Variants in FSTL5 observed in about 807,000 individuals in gnomAD.
FSTL5 encodes follistatin-related protein 5.
In FSTL5, 62 loss-of-function variants were observed where a neutral mutation model predicts 89.1. The observed-to-expected ratio is 0.70, with a 90% CI of 0.57 to 0.86. The LOEUF (loss-of-function observed/expected upper bound fraction) is 0.86. Among genes scored for constraint, FSTL5 ranks in the 40% least tolerant of loss-of-function variants. The pLI is 0.00. For missense variants in FSTL5, 1,057 were observed against 1,001.6 expected, an observed-to-expected ratio of 1.06 and a Z score of -0.75; for synonymous variants, 383 against 346.2, an observed-to-expected ratio of 1.11 and a Z score of -1.18.
intron 1 of FSTL5, among the ~76,000 whole-genome samples, chr4:162,116,866 G>GT (rs1731663660): frequency 6.6e-6 from 1 of 152,266 alleles, no homozygotes; most frequent in Non-Finnish European, 1.5e-5. Flanking sequence ...CTTTTCAGAG[G>GT]TAAGTCCAAC....
At chr4:161,526,031 A>C (rs1011513059) in intron 10 of FSTL5, among the ~76,000 whole-genome samples, 1 of 152,110 alleles carries the variant, frequency 6.6e-6, no homozygotes. Flanking sequence ...ATTTATGATA[A>C]TGAGTTTCTG....
At position 161,791,434 on chromosome 4, in the gene FSTL5, A is replaced by C. The variant is rs185811202; in HGVS notation, c.410-15360T>G. On this transcript the variant is annotated intron_variant, in intron 4 of 15. Transcript: ENST00000306100. ...ATTAATCTATAGCTGGTTTTGGCAAATACTTTTTGTAAAGGAACAGCGTAA... is the reference window on the plus strand; with the variant it reads ...ATTAATCTATAGCTGGTTTTGGCAACTACTTTTTGTAAAGGAACAGCGTAA... Among the ~76,000 whole-genome samples the C allele has an allele frequency of 3.7e-3, 563 of 152,344 alleles. 11 individuals carry two copies. The highest frequency in any genetic ancestry group is 7.1e-4 in the Non-Finnish European group (48 of 68,034).
chr4:161,570,507 G>A (rs1732967890), intron 8 of FSTL5, among the ~76,000 whole-genome samples: 2 of 152,158 alleles, frequency 1.3e-5, no homozygotes, highest in South Asian at 4.1e-4. Context: ...TTATTTAGGG[G>A]ATTCAAAGTC....
intron 4 of FSTL5, among the ~76,000 whole-genome samples, chr4:161,857,296 C>T (rs773148359): frequency 1.1e-4 from 16 of 152,108 alleles, no homozygotes; most frequent in Non-Finnish European, 2.2e-4. Context: ...TATCTGCTGA[C>T]AGATTGCACG....
intron 4 of FSTL5, among the ~76,000 whole-genome samples, chr4:161,822,781 G>A (rs970842880): frequency 1.3e-5 from 2 of 152,228 alleles, no homozygotes; most frequent in Admixed American, 6.5e-5. Context: ...CTTGTCTCAC[G>A]TCCAGGAAGA....
At chr4:161,570,130 G>A (rs1005085657) in intron 8 of FSTL5, among the ~76,000 whole-genome samples, 4 of 152,134 alleles carry the variant, frequency 2.6e-5, no homozygotes, top group Admixed American at 2.6e-4. Flanking sequence ...AGTGTGTAGA[G>A]TATTTTAGGC....
chr4:161,796,458 C>A (rs537890546), intron 4 of FSTL5, among the ~76,000 whole-genome samples: 106 of 151,790 alleles, frequency 7.0e-4, no homozygotes, highest in African/African-American at 2.5e-3. Context: ...ATATTGCTAT[C>A]ATGTAAATTG....
chr4:161,844,393 G>C (rs1040069150), intron 4 of FSTL5, among the ~76,000 whole-genome samples: 1 of 152,138 alleles, frequency 6.6e-6, no homozygotes, highest in African/African-American at 2.4e-5. Flanking sequence ...CAAGGATCTA[G>C]AACCAGAAAT....
chr4:161,665,792 TA>T (rs1461602987), intron 6 of FSTL5, among the ~76,000 whole-genome samples: 3 of 151,892 alleles, frequency 2.0e-5, no homozygotes, highest in Admixed American at 6.6e-5. Context: ...AAGTAAATTC[TA>T]AAAATGTTCT....
chr4:162,132,243 T>G (rs1732330627), intron 1 of FSTL5, among the ~76,000 whole-genome samples: 1 of 152,136 alleles, frequency 6.6e-6, no homozygotes, highest in South Asian at 2.1e-4. Context: ...GTACCCTCAT[T>G]TATAGGGTTG....
At chr4:162,001,316 C>T (rs1374083996) in intron 3 of FSTL5, among the ~76,000 whole-genome samples, 3 of 151,134 alleles carry the variant, frequency 2.0e-5, no homozygotes, top group African/African-American at 4.9e-5. Flanking sequence ...GTCTATCTAT[C>T]CTCCTATCTA....
Position 161,529,732 on chromosome 4 carries a change from C to CT in FSTL5, c.1312+8433dup, listed in dbSNP as rs2126528418. ...TATTTGGTTCTATTTGACTCTAGCTCTTAGCTCATCACTATCAGGATAAAA... is the reference window on the plus strand; with the variant it reads ...TATTTGGTTCTATTTGACTCTAGCTCTTTAGCTCATCACTATCAGGATAAAA... On this transcript the variant is annotated intron_variant, in intron 10 of 15. Coordinates refer to ENST00000306100, the MANE Select transcript of FSTL5 (RefSeq NM_020116.5). 1.4e-5 allele frequency among the ~76,000 whole-genome samples: 2 copies of CT among 142,120 alleles called. 1 individual carries two copies. The highest frequency in any genetic ancestry group is 4.8e-4 in the South Asian group (2 of 4,142). The allele number at this position is 142,120 out of a possible 152,430, so 93.2% of individuals were successfully genotyped here. A position where few individuals can be genotyped will look rare whatever the true frequency, so the allele number is the denominator to read the frequency against.
intron 7 of FSTL5, among the ~76,000 whole-genome samples, chr4:161,642,484 A>G (rs375327311): frequency 3.9e-5 from 6 of 152,204 alleles, no homozygotes; most frequent in East Asian, 3.8e-4. Context: ...TGAAATGAAA[A>G]TATGAAAGAA....
At chr4:162,008,979 A>G (rs1736686976) in intron 3 of FSTL5, among the ~76,000 whole-genome samples, 1 of 152,102 alleles carries the variant, frequency 6.6e-6, no homozygotes, top group Admixed American at 6.5e-5. Flanking sequence ...AAAAATAAAT[A>G]AAATGGAAGA....
intron 4 of FSTL5, among the ~76,000 whole-genome samples, chr4:161,861,435 A>G (rs1731913416): frequency 6.6e-6 from 1 of 151,980 alleles, no homozygotes; most frequent in Non-Finnish European, 1.5e-5. Flanking sequence ...AAAGAGAGAG[A>G]GAGAGAAAGA....
At chr4:161,670,013 T>G (rs1157837883) in intron 6 of FSTL5, among the ~76,000 whole-genome samples, 3 of 152,342 alleles carry the variant, frequency 2.0e-5, no homozygotes, top group South Asian at 4.1e-4. Context: ...TCCTGTATGA[T>G]TTATTGGTGT....
At chr4:161,717,561 T>G (rs749227671) in intron 6 of FSTL5, among the ~76,000 whole-genome samples, 42 of 152,160 alleles carry the variant, frequency 2.8e-4, no homozygotes, top group Non-Finnish European at 5.4e-4. Flanking sequence ...AAGACTGACC[T>G]CTTGAGAGGG....
chr4:162,011,535 C>T (rs1361263700), intron 3 of FSTL5, among the ~76,000 whole-genome samples: 2 of 151,908 alleles, frequency 1.3e-5, no homozygotes, highest in Non-Finnish European at 2.9e-5. Context: ...CTCTTGTCGC[C>T]CAGGCTGGAG....
At chr4:161,601,959 G>C (rs1472446856) in intron 7 of FSTL5, among the ~76,000 whole-genome samples, 2 of 151,954 alleles carry the variant, frequency 1.3e-5, no homozygotes, top group Non-Finnish European at 1.5e-5. Flanking sequence ...ATAATAGGCT[G>C]TTAAGAGACA....
Sources: gnomAD v4.1 joint callset for allele counts (sites outside exome capture counted in the v4.1 genomes callset) on GRCh38, gnomAD v4.1.1 for gene constraint, MANE v1.5 for transcripts, NCBI Gene and HGNC (gene_info 2026-07-23, HGNC 2026-07-21) for gene names.